The following LRPPRC variants were observed in gnomAD, a reference collection of about 807,000 sequenced individuals.
LRPPRC encodes the protein leucine-rich PPR motif-containing protein, mitochondrial.
Under a neutral mutation model 180.3 loss-of-function variants are expected in LRPPRC, and 120 were observed. The ratio of observed to expected loss-of-function variants is 0.67; its 90% CI spans 0.57 to 0.77. The LOEUF is 0.77. Among genes scored for constraint, LRPPRC ranks in the 30% least tolerant of loss-of-function variants. The pLI is 0.00. For synonymous variants in LRPPRC, 723 were observed against 600.0 expected, an observed-to-expected ratio of 1.21 and a Z score of -3.00; for missense variants, 2,012 against 1,657.2, an observed-to-expected ratio of 1.21 and a Z score of -3.72.
intron 1 of LRPPRC, among the ~76,000 whole-genome samples, chr2:43,989,960 T>A (rs1367021378): frequency 6.6e-6 from 1 of 152,168 alleles, no homozygotes; most frequent in Non-Finnish European, 1.5e-5. Context: ...ATGCCTTTAA[T>A]CCCAGCACTT....
chr2:43,974,799 T>C (rs1454452411), intron 7 of LRPPRC, 41 bp from the exon 8 acceptor site: 6 of 1,590,964 alleles, frequency 3.8e-6, no homozygotes, highest in Non-Finnish European at 5.2e-6. Context: ...AGTTAGAGTG[T>C]TTTTATTTAA....
intron 25 of LRPPRC, among the ~76,000 whole-genome samples, chr2:43,929,173 C>T (rs762064120): frequency 6.6e-6 from 1 of 152,154 alleles, no homozygotes; most frequent in East Asian, 1.9e-4. Context: ...CAGTACATAA[C>T]AAGCAATTCA....
chr2:43,907,966 T>C (rs1276766084), intron 30 of LRPPRC, among the ~76,000 whole-genome samples: 1 of 152,188 alleles, frequency 6.6e-6, no homozygotes, highest in Non-Finnish European at 1.5e-5. Flanking sequence ...AATATAGGCA[T>C]GAGAAGTGAG....
At chr2:43,966,334 C>A (rs983799376) in intron 11 of LRPPRC, among the ~76,000 whole-genome samples, 1 of 151,152 alleles carries the variant, frequency 6.6e-6, no homozygotes, top group Non-Finnish European at 1.5e-5. Context: ...TTCAGTTATA[C>A]GGTAAATAAG....
intron 1 of LRPPRC, among the ~76,000 whole-genome samples, chr2:43,988,170 G>A (rs1377837044): frequency 2.0e-5 from 3 of 149,344 alleles, no homozygotes; most frequent in African/African-American, 5.0e-5. Flanking sequence ...AACCCAGGAG[G>A]CAGAGGGTGC....
chr2:43,946,020 T>C, intron 21 of LRPPRC, 93 bp downstream of exon 21: 2 of 1,301,538 alleles, frequency 1.5e-6, no homozygotes, highest in South Asian at 1.2e-5. Flanking sequence ...AAAATGACAT[T>C]ATATAAGAGA....
intron 34 of LRPPRC, 45 bp downstream of exon 34, chr2:43,899,174 T>C (rs375067487): frequency 7.4e-7 from 1 of 1,343,858 alleles, no homozygotes; most frequent in South Asian, 1.2e-5. Context: ...AATTTACTTC[T>C]TGCAAGCCTC....
At chr2:43,973,193 A>G (rs1038184987) in intron 11 of LRPPRC, among the ~76,000 whole-genome samples, 2 of 152,256 alleles carry the variant, frequency 1.3e-5, no homozygotes, top group Non-Finnish European at 2.9e-5. Flanking sequence ...TCAGTTAAAA[A>G]GAAATAGATT....
At chr2:43,949,552 A>G (rs1453485712) in intron 16 of LRPPRC, 50 bp downstream of exon 16, 2 of 1,436,140 alleles carry the variant, frequency 1.4e-6, no homozygotes, top group Non-Finnish European at 2.0e-6. Flanking sequence ...ATCATTACAC[A>G]GAAAAATGGA....
At position 43,889,807 on chromosome 2, in the gene LRPPRC, T is replaced by C; in HGVS notation, c.4055A>G (p.Asp1352Gly). Residue 1352 changes from aspartate to glycine, a missense_variant, in exon 37 of 38, where the codon GAT becomes GGT. Coordinates refer to ENST00000260665, the MANE Select transcript of LRPPRC (RefSeq NM_133259.4). ...EHLTAKNTKL[D>G]DLFLKRYASL... The stretch of plus-strand genomic sequence containing the variant: ...TGCGTAACGCTTTAGAAACAGATCA[T>C]CCAATTTTGTATTCTTTGCAGTCAA... 1.2e-6 allele frequency: 2 copies of C among 1,610,560 alleles called. No individual in the cohort carries two copies. The highest frequency in any genetic ancestry group is 1.7e-6 in the Non-Finnish European group (2 of 1,176,680).
At chr2:43,995,455 G>C (rs747784360) in intron 1 of LRPPRC, among the ~76,000 whole-genome samples, 100 of 152,340 alleles carry the variant, frequency 6.6e-4, no homozygotes, top group Admixed American at 1.1e-3. Context: ...AGCTGGCCAA[G>C]TGTAAGGAAA....
intron 29 of LRPPRC, among the ~76,000 whole-genome samples, chr2:43,915,467 C>G (rs1002623930): frequency 6.6e-6 from 1 of 151,796 alleles, no homozygotes; most frequent in African/African-American, 2.4e-5. Context: ...GGGCAGATCA[C>G]GAAGTCAGGA....
chr2:43,963,957 T>G (rs1559022494), intron 11 of LRPPRC, among the ~76,000 whole-genome samples: 1 of 152,178 alleles, frequency 6.6e-6, no homozygotes, highest in Admixed American at 6.5e-5. Context: ...ATAAAGAAAC[T>G]TGAAACAATT....
At chr2:43,917,912 T>A (rs1344395720) in intron 29 of LRPPRC, 113 bp downstream of exon 29, 2 of 709,412 alleles carry the variant, frequency 2.8e-6, no homozygotes, top group African/African-American at 3.6e-5. Context: ...TATGTAAAAT[T>A]TAAGTCCTAT....
intron 27 of LRPPRC, among the ~76,000 whole-genome samples, chr2:43,921,945 GACT>G (rs2105033963): frequency 6.6e-6 from 1 of 152,266 alleles, no homozygotes; most frequent in South Asian, 2.1e-4. Context: ...CTCTTGGATA[GACT>G]ACTATACAAA....
At chr2:43,905,820 C>A (rs1425169644) in intron 30 of LRPPRC, 40 bp from the exon 31 acceptor site, 1 of 1,174,412 alleles carries the variant, frequency 8.5e-7, no homozygotes, top group Non-Finnish European at 1.3e-6. Flanking sequence ...TACTGACATG[C>A]TTCTGATACG....
intron 23 of LRPPRC, among the ~76,000 whole-genome samples, chr2:43,937,109 AAATG>A (rs1291400513): frequency 1.3e-5 from 2 of 152,230 alleles, no homozygotes; most frequent in East Asian, 3.8e-4. Flanking sequence ...AGCTATCAAT[AAATG>A]AATGAATAAT....
rs372994730 is a variant in LRPPRC at position 43,963,601 on chromosome 2, C to T, written c.1475G>A (p.Arg492Gln). Residue 492 changes from arginine to glutamine, a missense_variant, in exon 12 of 38, where the codon CGA (arginine) becomes CAA (glutamine). Arg to Gln is a conservative substitution (Grantham distance 43). Coordinates refer to ENST00000260665, the MANE Select transcript of LRPPRC (RefSeq NM_133259.4). The part of the protein sequence containing the change: ...IPCFDSVNSA[R>Q]AILQENGCLS... ...ACTTGTACTCACCTGCAAAATGGCTCGTGCTGAGTTTACACTATCAAAGCA... is the reference window on the plus strand; with the variant it reads ...ACTTGTACTCACCTGCAAAATGGCTTGTGCTGAGTTTACACTATCAAAGCA... The T allele has an allele frequency of 6.3e-6, 10 of 1,594,772 alleles. No homozygotes were observed. The highest frequency in any genetic ancestry group is 5.0e-5 in the Admixed American group (3 of 59,968).
chr2:43,966,706 C>G (rs527922965), intron 11 of LRPPRC, among the ~76,000 whole-genome samples: 1 of 149,706 alleles, frequency 6.7e-6, no homozygotes, highest in Non-Finnish European at 1.5e-5. Flanking sequence ...CCACGCCCGG[C>G]CAATACAAAA....
Sources: gnomAD v4.1 joint callset for allele counts (sites outside exome capture counted in the v4.1 genomes callset) on GRCh38, gnomAD v4.1.1 for gene constraint, MANE v1.5 for transcripts, NCBI Gene and HGNC (gene_info 2026-07-23, HGNC 2026-07-21) for gene names.